HMCN2: variants seen among roughly 807,000 people sequenced by gnomAD.
HMCN2 encodes hemicentin-2.
A neutral mutation model predicts 377.5 loss-of-function variants in HMCN2; 325 were observed. That is an observed-to-expected ratio of 0.86 (90% CI 0.79 to 0.94). HMCN2 has a LOEUF of 0.94. Among genes scored for constraint, HMCN2 ranks in the 40% least tolerant of loss-of-function variants. The probability of loss-of-function intolerance (pLI) is 0.00; values close to 1 mark genes in which losing one functional copy is unlikely to be tolerated. For missense variants in HMCN2, 4,543 were observed against 4,725.3 expected (o/e 0.96, Z 1.13); for synonymous variants, 2,007 against 2,046.8 (o/e 0.98, Z 0.53).
intron 30 of HMCN2, among the ~76,000 whole-genome samples, chr9:130,352,573 G>A (rs1214424701): frequency 6.6e-6 from 1 of 152,126 alleles, no homozygotes; most frequent in African/African-American, 2.4e-5. Flanking sequence ...GACCAGCCCT[G>A]TGTGAAGTCC....
chr9:130,287,313 T>C (rs1408924985), intron 4 of HMCN2, among the ~76,000 whole-genome samples: 3 of 152,082 alleles, frequency 2.0e-5, no homozygotes, highest in Non-Finnish European at 2.9e-5. Flanking sequence ...CTCTCCAATG[T>C]CCTACGCTCC....
chr9:130,303,495 G>A lies in HMCN2; in HGVS notation c.1430G>A (p.Gly477Glu). The part of the protein sequence containing the change: ...LGEERHFQES[G>E]NSSWEILRAS... ...CTGTTCCCTGTTTGCAGGGAGTCGG[G>A]AAACAGCAGCTGGGAGATCCTGCGG... The change falls in exon 10 of 98, where the codon GGA becomes GAA. Residue 477 changes from glycine to glutamate, a missense_variant. By Grantham distance (98) the Gly-to-Glu change is moderately conservative. Transcript: ENST00000683500. This position sits in a 1 kb window ranked among gnomAD's most constrained non-coding sequence, Gnocchi z 5.2. The A allele has an allele frequency of 2.2e-6, 1 of 451,562 alleles. No homozygotes were observed. Among genetic ancestry groups the A allele is most frequent in the Non-Finnish European group, 4.6e-6 (1 of 215,782 alleles). The allele number at this position is 451,562 out of a possible 1,614,324, so 28.0% of individuals were successfully genotyped here. A position where few individuals can be genotyped will look rare whatever the true frequency, so the allele number is the denominator to read the frequency against.
chr9:130,370,522 C>T (rs908496797), intron 45 of HMCN2, among the ~76,000 whole-genome samples: 2 of 152,228 alleles, frequency 1.3e-5, no homozygotes, highest in Admixed American at 6.5e-5. Context: ...CACCCCCACC[C>T]CCCTGGGTAG....
In HMCN2 at chr9:130,387,507, T is replaced by C. The variant is rs377098379; in HGVS notation, c.9392-902T>C. 9.1e-4 allele frequency among the ~76,000 whole-genome samples: 138 copies of C among 152,090 alleles called. 2 individuals carry two copies. The Middle Eastern group carries it at 0.014, about 15-fold the overall frequency. On this transcript the variant is annotated intron_variant, in intron 61 of 97. Transcript: ENST00000683500. Reference sequence around the variant, plus strand: ...CACAGGAAGCAGAAAAGAGCAGAAGTGGTGGGCAAGCATTTATTTCATACA... The same window carrying C: ...CACAGGAAGCAGAAAAGAGCAGAAGCGGTGGGCAAGCATTTATTTCATACA...
chr9:130,337,367 G>A (rs1838809360), intron 22 of HMCN2, among the ~76,000 whole-genome samples: 1 of 152,100 alleles, frequency 6.6e-6, no homozygotes, highest in South Asian at 2.1e-4. Flanking sequence ...AGTCAGGCCG[G>A]CCCTGGCACC....
chr9:130,350,082 A>G (rs1056427675), intron 29 of HMCN2, among the ~76,000 whole-genome samples: 1 of 150,976 alleles, frequency 6.6e-6, no homozygotes, highest in African/African-American at 2.4e-5. Flanking sequence ...AATTTTTTAA[A>G]AAATGTTTGT....
chr9:130,369,762 G>A lies in HMCN2; in HGVS notation c.6980G>A (p.Arg2327Gln), dbSNP rs1840913114. 5.1e-6 allele frequency: 5 copies of A among 985,920 alleles called. No homozygotes were observed. Among genetic ancestry groups the A allele is most frequent in the Non-Finnish European group, 6.0e-6 (5 of 829,994 alleles). The allele number at this position is 985,920 out of a possible 1,614,324, so 61.1% of individuals were successfully genotyped here. Residue 2327 changes from arginine to glutamine, a missense_variant, in exon 45 of 98, where the codon CGG becomes CAG. By Grantham distance (43) the Arg-to-Gln change is conservative. Around this residue, in one of 5 missense-constraint regions of HMCN2, gnomAD observed 1,032 missense variants for 1,285.1 expected, o/e 0.80. Transcript: ENST00000683500. This position sits in a 1 kb window ranked among gnomAD's most constrained non-coding sequence, Gnocchi z 4.5. ...QNQGQSLHVERAQAAHTGRYS... is the reference protein window; with the variant it reads ...QNQGQSLHVEQAQAAHTGRYS... Reference sequence around the variant, plus strand: ...CAGGGTCAGAGCCTGCATGTGGAGCGGGCCCAGGCTGCCCACACTGGACGC... The same window carrying A: ...CAGGGTCAGAGCCTGCATGTGGAGCAGGCCCAGGCTGCCCACACTGGACGC...
rs943501079 is a variant in HMCN2 at position 130,353,178 on chromosome 9, G to C, written c.4837G>C (p.Glu1613Gln). The C allele has an allele frequency of 2.7e-5, 35 of 1,303,908 alleles. No individual in the cohort carries two copies. Among genetic ancestry groups the C allele is most frequent in the Middle Eastern group, 4.3e-4 (2 of 4,650 alleles). The allele number at this position is 1,303,908 out of a possible 1,614,324, so 80.8% of individuals were successfully genotyped here. Residue 1613 changes from glutamate (E) to glutamine (Q), a missense_variant, in exon 31 of 98, where the codon GAG (glutamate) becomes CAG (glutamine). By Grantham distance (29) the Glu-to-Gln change is conservative. Around this residue, in one of 5 missense-constraint regions of HMCN2, gnomAD observed 1,032 missense variants for 1,285.1 expected, o/e 0.80. Coordinates refer to ENST00000683500, the MANE Select transcript of HMCN2 (RefSeq NM_001291815.2). The part of the protein sequence containing the change: ...CKASNAVGAA[E>Q]KATRLDVYVP... ...GGCCAGCAATGCTGTGGGGGCCGCA[G>C]AGAAGGCCACCAGGCTGGATGTTTA... is the stretch of plus-strand genomic sequence containing the variant.
chr9:130,300,991 T>C (rs565430296), intron 8 of HMCN2, among the ~76,000 whole-genome samples: 46 of 152,340 alleles, frequency 3.0e-4, no homozygotes, highest in Non-Finnish European at 5.7e-4. Context: ...TCATTAACAT[T>C]CTAGTACTTC....
At position 130,393,155 on chromosome 9, in the gene HMCN2, CCT is replaced by C. The variant is rs113506042; in HGVS notation, c.10137-45_10137-44del. The C allele has an allele frequency of 5.2e-4, 478 of 917,770 alleles. No individual in the cohort carries two copies. The highest frequency in any genetic ancestry group is 5.7e-4 in the Non-Finnish European group (439 of 766,150). 56.9% of individuals were successfully genotyped at this position (917,770 alleles called of 1,614,324 possible). A position where few individuals can be genotyped will look rare whatever the true frequency, so the allele number is the denominator to read the frequency against. On this transcript the variant is annotated intron_variant, in intron 66 of 97. Transcript: ENST00000683500. The surrounding 1 kb of genome is among the most constrained non-coding windows in gnomAD (Gnocchi z 5.2). Reference sequence around the variant, plus strand: ...TCTCCTGTCTCTCTCCCTTTCTCTTCCTCTCTCTCTCTCCCTTTCTCTTGTCT... The same window carrying C: ...TCTCCTGTCTCTCTCCCTTTCTCTTCCTCTCTCTCTCCCTTTCTCTTGTCT...
chr9:130,352,520 C>G (rs976859841), intron 30 of HMCN2, among the ~76,000 whole-genome samples: 1 of 152,206 alleles, frequency 6.6e-6, no homozygotes, highest in African/African-American at 2.4e-5. Flanking sequence ...CATGCTGTGC[C>G]CATGTGCCCC....
Position 130,396,218 on chromosome 9 carries a change from C to T in HMCN2, c.11103C>T (p.Asn3701=). Reference sequence around the variant, plus strand: ...CACCTGCAGTGAACGTCTCAGTGAACCAGACAGCCCTGCTGCCTTGCCAGG... The same window carrying T: ...CACCTGCAGTGAACGTCTCAGTGAATCAGACAGCCCTGCTGCCTTGCCAGG... ...SGPPAVNVSV[N]QTALLPCQAD... is the part of the protein sequence containing the mutation. Residue 3701 remains asparagine (N), a synonymous_variant, in exon 73 of 98, where the codon AAC becomes AAT. Coordinates refer to ENST00000683500, the MANE Select transcript of HMCN2 (RefSeq NM_001291815.2). The T allele has an allele frequency of 7.8e-7, 1 of 1,286,068 alleles. No homozygotes were observed. Among genetic ancestry groups the T allele is most frequent in the Non-Finnish European group, 1.0e-6 (1 of 985,872 alleles). 79.7% of individuals were successfully genotyped at this position (1,286,068 alleles called of 1,614,324 possible). A position where few individuals can be genotyped will look rare whatever the true frequency, so the allele number is the denominator to read the frequency against.
rs1588370732 is a variant in HMCN2 at position 130,388,543 on chromosome 9, G to A, written c.9523+3G>A. The A allele has an allele frequency of 2.0e-6, 2 of 988,134 alleles. No homozygotes were observed. The highest frequency in any genetic ancestry group is 2.4e-6 in the Non-Finnish European group (2 of 830,138). 61.2% of individuals were successfully genotyped at this position (988,134 alleles called of 1,614,324 possible). A position where few individuals can be genotyped will look rare whatever the true frequency, so the allele number is the denominator to read the frequency against. ...GCTGAAGGACAGGATGCCTGTGGGT[G>A]AGCACATCTGTCCTTGTCTGTTTCG... On this transcript the variant is annotated splice_donor_region_variant and intron_variant, in intron 62 of 97. Coordinates refer to ENST00000683500, the MANE Select transcript of HMCN2 (RefSeq NM_001291815.2).
In HMCN2 at chr9:130,391,561, G is replaced by A. The variant is rs972860338; in HGVS notation, c.9939G>A (p.Thr3313=). 1.2e-4 allele frequency: 121 copies of A among 987,186 alleles called. No homozygotes were observed. The highest frequency in any genetic ancestry group is 1.2e-3 in the African/African-American group (70 of 57,296). The allele number at this position is 987,186 out of a possible 1,614,324, so 61.2% of individuals were successfully genotyped here. A position where few individuals can be genotyped will look rare whatever the true frequency, so the allele number is the denominator to read the frequency against. Residue 3313 remains threonine, a synonymous_variant, in exon 65 of 98, where the codon ACG becomes ACA. Transcript: ENST00000683500. ...CCGGGGAGGACGCCAGGCTGCACAC[G>A]GTGAATGTGCTGGGTGAGGAGCCCC... is the stretch of plus-strand genomic sequence containing the variant. The part of the protein sequence containing the change: ...NPAGEDARLH[T]VNVLVPPTIK...
At chr9:130,327,650 G>A (rs1838212088) in intron 22 of HMCN2, among the ~76,000 whole-genome samples, 175 bp downstream of exon 22, 1 of 152,196 alleles carries the variant, frequency 6.6e-6, no homozygotes, top group South Asian at 2.1e-4. Context: ...CCTGGAAGGG[G>A]CCTCTAGAGG....
Position 130,403,313 on chromosome 9 carries a change from C to G in HMCN2, c.11998C>G (p.Leu4000Val). The change falls in exon 79 of 98, where the codon CTC (leucine) becomes GTC (valine). Residue 4000 changes from leucine (L) to valine (V), a missense_variant. Physicochemically the swap from Leu to Val is conservative, Grantham distance 32 (BLOSUM62 1). This residue lies in a region of HMCN2 where 1,073 missense variants were observed against 1,319.5 expected (regional missense o/e 0.81). Coordinates refer to ENST00000683500, the MANE Select transcript of HMCN2 (RefSeq NM_001291815.2). ...GACCATCACCTGGCAGAAGGAAGGG[C>G]TCAACGTCGCTACTGGTGAGGGCCC... Reference protein sequence around the residue: ...RPTITWQKEGLNVATGVSTQV... With the variant: ...RPTITWQKEGVNVATGVSTQV... The G allele has an allele frequency of 1.6e-6, 2 of 1,289,910 alleles. No homozygotes were observed. Among genetic ancestry groups the G allele is most frequent in the Non-Finnish European group, 2.0e-6 (2 of 988,886 alleles). The allele number at this position is 1,289,910 out of a possible 1,614,324, so 79.9% of individuals were successfully genotyped here.
At position 130,391,364 on chromosome 9, in the gene HMCN2, G is replaced by A; in HGVS notation, c.9827+1G>A. 6.1e-6 allele frequency: 6 copies of A among 987,698 alleles called. No individual in the cohort carries two copies. Among genetic ancestry groups the A allele is most frequent in the Non-Finnish European group, 7.2e-6 (6 of 830,122 alleles). The allele number at this position is 987,698 out of a possible 1,614,324, so 61.2% of individuals were successfully genotyped here. On this transcript the variant is annotated splice_donor_variant, in intron 64 of 97. Coordinates refer to ENST00000683500, the MANE Select transcript of HMCN2 (RefSeq NM_001291815.2). LOFTEE classifies it high-confidence loss of function. ...GCCAGGACATGGGCCCCCACCTCCG[G>A]TAAGACTTGGCCCATGCCCTCCCCA...
chr9:130,407,858 C>T (rs1433296318), intron 83 of HMCN2, among the ~76,000 whole-genome samples, 153 bp downstream of exon 83: 1 of 152,196 alleles, frequency 6.6e-6, no homozygotes, highest in Admixed American at 6.5e-5. Flanking sequence ...ACTTTAAATT[C>T]TGAAGTCCAA....
rs545955277 is a variant in HMCN2, at chr9:130,425,073, C to G, written c.13584C>G (p.Asp4528Glu). The change falls in exon 89 of 98, where the codon GAC (aspartate) becomes GAG (glutamate). Residue 4528 changes from aspartate (D) to glutamate (E), a missense_variant. Asp to Glu is a conservative substitution (Grantham distance 45, BLOSUM62 2). Coordinates refer to ENST00000683500, the MANE Select transcript of HMCN2 (RefSeq NM_001291815.2). ...ATCCCGATGGCCTCCTGCTCCTCGACGTGGTGGTCAATGGCGTTGTCCCCG... is the reference window on the plus strand; with the variant it reads ...ATCCCGATGGCCTCCTGCTCCTCGAGGTGGTGGTCAATGGCGTTGTCCCCG... ...GLDPDGLLLL[D>E]VVVNGVVPES... The G allele has an allele frequency of 1.0e-5, 16 of 1,550,114 alleles. 1 individual carries two copies. The South Asian group carries it at 1.8e-4, about 17-fold the overall frequency.
Sources: gnomAD v4.1 joint callset for allele counts (sites outside exome capture counted in the v4.1 genomes callset) on GRCh38, gnomAD v4.1.1 for gene constraint, gnomAD v4.1.1 regional missense constraint, Gnocchi (gnomAD v3.1) non-coding constraint, MANE v1.5 for transcripts, NCBI Gene and HGNC (gene_info 2026-07-23, HGNC 2026-07-21) for gene names.